The following FAT3 variants were observed in gnomAD, a reference collection of about 807,000 sequenced individuals.
FAT3 encodes protocadherin Fat 3.
In FAT3, 95 loss-of-function variants were observed where a neutral mutation model predicts 310.2. That is an observed-to-expected ratio of 0.31 (90% CI 0.26 to 0.36). The LOEUF (loss-of-function observed/expected upper bound fraction) is 0.36, where lower values mean the gene tolerates loss of function less well. FAT3 is among the 10% of genes least tolerant of loss of function. The pLI is 1.00. For synonymous variants in FAT3, 2,314 were observed against 2,192.9 expected (o/e 1.06, Z -1.54); for missense variants, 5,408 against 5,715.6 (o/e 0.95, Z 1.74).
intron 4 of FAT3, among the ~76,000 whole-genome samples, chr11:92,703,636 T>G (rs1241484339): frequency 1.3e-5 from 2 of 152,226 alleles, no homozygotes; most frequent in African/African-American, 4.8e-5. Context: ...TTCTCTCATT[T>G]GTTCACATTC....
intron 3 of FAT3, among the ~76,000 whole-genome samples, chr11:92,633,950 G>A (rs1011307396): frequency 6.6e-6 from 1 of 152,278 alleles, no homozygotes; most frequent in South Asian, 2.1e-4. Context: ...TGTGGATACA[G>A]ATATTAAATG....
Position 92,882,922 on chromosome 11 carries a change from A to C in FAT3, c.12466A>C (p.Ile4156Leu), listed in dbSNP as rs2136410817. 6.2e-7 allele frequency: 1 copy of C among 1,613,108 alleles called. No homozygotes were observed. Among genetic ancestry groups the C allele is most frequent in the Non-Finnish European group, 8.5e-7 (1 of 1,179,584 alleles). ...GHSYVGKEEL[I>L]GIAVVLFVIF... ...CTCCTACGTGGGGAAGGAGGAGCTC[A>C]TCGGCATCGCCGTGGTCCTCTTCGT... Residue 4156 changes from isoleucine (I) to leucine (L), a missense_variant, in exon 24 of 28, where the codon ATC (isoleucine) becomes CTC (leucine). Physicochemically the swap from Ile to Leu is conservative, Grantham distance 5. Transcript: ENST00000525166.
At chr11:92,273,173 C>G (rs1220215383) in intron 1 of FAT3, among the ~76,000 whole-genome samples, 1 of 151,956 alleles carries the variant, frequency 6.6e-6, no homozygotes, top group Admixed American at 6.6e-5. Context: ...TTATGTTTTC[C>G]CAAATTTTAC....
At chr11:92,802,225 T>A (rs544245099) in intron 10 of FAT3, among the ~76,000 whole-genome samples, 6 of 152,284 alleles carry the variant, frequency 3.9e-5, no homozygotes, top group African/African-American at 1.4e-4. Context: ...AAATAACAAC[T>A]TTTTGGTGGA....
chr11:92,525,232 C>G (rs1953818063), intron 3 of FAT3, among the ~76,000 whole-genome samples: 1 of 152,126 alleles, frequency 6.6e-6, no homozygotes, highest in South Asian at 2.1e-4. Context: ...ACTCAGAGAG[C>G]CAGCTGCTTC....
intron 22 of FAT3, among the ~76,000 whole-genome samples, chr11:92,874,233 A>AT (rs1949469333): frequency 6.6e-6 from 1 of 152,202 alleles, no homozygotes; most frequent in South Asian, 2.1e-4. Context: ...AAATCCCTAG[A>AT]TATCTCTTAG....
intron 4 of FAT3, among the ~76,000 whole-genome samples, chr11:92,751,060 C>G (rs188123437): frequency 1.3e-5 from 2 of 152,308 alleles, no homozygotes; most frequent in Non-Finnish European, 2.9e-5. Flanking sequence ...ATTGCCATCC[C>G]TGCACAGGAC....
intron 21 of FAT3, among the ~76,000 whole-genome samples, chr11:92,865,877 C>T (rs554358271): frequency 2.6e-4 from 39 of 152,176 alleles, no homozygotes; most frequent in Admixed American, 1.3e-3. Flanking sequence ...GCAGTGATGC[C>T]CTTGCTACAC....
intron 1 of FAT3, among the ~76,000 whole-genome samples, chr11:92,258,822 A>G (rs930357911): frequency 1.3e-5 from 2 of 152,012 alleles, no homozygotes; most frequent in Non-Finnish European, 2.9e-5. Context: ...GAAGAGTTGT[A>G]ATAAGGGATG....
chr11:92,230,725 G>A (rs10830891), intron 1 of FAT3, among the ~76,000 whole-genome samples: 51,984 of 152,142 alleles, frequency 0.34, 9,273 homozygotes, highest in South Asian at 0.47. Context: ...GCTTCGTGCT[G>A]TTTATTGAGA....
At chr11:92,705,103 A>C (rs945870238) in intron 4 of FAT3, among the ~76,000 whole-genome samples, 1 of 152,150 alleles carries the variant, frequency 6.6e-6, no homozygotes, top group Admixed American at 6.5e-5. Flanking sequence ...CTTCTCAGTG[A>C]GTGTTGCCAG....
chr11:92,592,318 C>CTTT (rs753531647), intron 3 of FAT3, among the ~76,000 whole-genome samples: 3,778 of 108,100 alleles, frequency 0.035, 264 homozygotes, highest in African/African-American at 0.047. Context: ...TCCTAATTGT[C>CTTT]TTTTTTTTTT....
chr11:92,635,635 A>T (rs905716527), intron 3 of FAT3, among the ~76,000 whole-genome samples: 3 of 152,202 alleles, frequency 2.0e-5, no homozygotes, highest in African/African-American at 7.2e-5. Flanking sequence ...ATTCCCCAGA[A>T]TGCCTGCTGT....
chr11:92,547,257 C>T (rs1303460245), intron 3 of FAT3, among the ~76,000 whole-genome samples: 1 of 152,158 alleles, frequency 6.6e-6, no homozygotes, highest in Non-Finnish European at 1.5e-5. Flanking sequence ...TGGAAGGTTG[C>T]CCTGAAGTTG....
chr11:92,741,015 C>T (rs751687035), intron 4 of FAT3, among the ~76,000 whole-genome samples: 4 of 152,120 alleles, frequency 2.6e-5, no homozygotes, highest in Non-Finnish European at 4.4e-5. Flanking sequence ...AAAGACACAA[C>T]GTCTGCCCTC....
intron 6 of FAT3, among the ~76,000 whole-genome samples, chr11:92,771,588 G>A (rs1210312118): frequency 1.3e-5 from 2 of 152,122 alleles, no homozygotes; most frequent in East Asian, 3.9e-4. Context: ...TAGCTATATT[G>A]GTAAGCTGAG....
intron 19 of FAT3, among the ~76,000 whole-genome samples, chr11:92,847,083 G>A (rs1289265766): frequency 6.6e-6 from 1 of 152,190 alleles, no homozygotes; most frequent in Non-Finnish European, 1.5e-5. Flanking sequence ...CTTAAGAACA[G>A]GGACTCTTCC....
chr11:92,589,701 C>T (rs183105139), intron 3 of FAT3, among the ~76,000 whole-genome samples: 2 of 152,154 alleles, frequency 1.3e-5, no homozygotes, highest in Non-Finnish European at 2.9e-5. Context: ...CCCGCCACCA[C>T]ACACACAACA....
In FAT3 at chr11:92,799,331, G is replaced by A. The variant is rs1231119019; in HGVS notation, c.6318G>A (p.Val2106=). The A allele has an allele frequency of 1.2e-6, 2 of 1,613,772 alleles. No homozygotes were observed. Among genetic ancestry groups the A allele is most frequent in the African/African-American group, 2.7e-5 (2 of 74,904 alleles). Residue 2106 remains valine, a synonymous_variant, in exon 10 of 28, where the codon GTG becomes GTA. Coordinates refer to ENST00000525166, the MANE Select transcript of FAT3 (RefSeq NM_001367949.2). ...DAEPGTLIYQ[V]TAIDKDKGPN... ...AACCCGGGACTCTGATTTATCAGGTGACAGCCATTGACAAAGATAAAGGTC... is the reference window on the plus strand; with the variant it reads ...AACCCGGGACTCTGATTTATCAGGTAACAGCCATTGACAAAGATAAAGGTC...
Sources: allele counts gnomAD v4.1 joint callset (sites outside exome capture counted in the v4.1 genomes callset), GRCh38; gene constraint gnomAD v4.1.1; transcripts MANE v1.5; gene names NCBI Gene and HGNC (gene_info 2026-07-23, HGNC 2026-07-21).